Variants in SDK1 observed in about 807,000 individuals in gnomAD.
SDK1 encodes the protein protein sidekick-1.
A neutral mutation model predicts 245.5 loss-of-function variants in SDK1; 157 were observed. The observed-to-expected ratio is 0.64, with a 90% CI of 0.56 to 0.73. The LOEUF is 0.73. SDK1 is among the 30% of genes least tolerant of loss of function. The pLI is 0.00. For missense variants in SDK1, 3,583 were observed against 3,002.3 expected (o/e 1.19, Z -4.52); for synonymous variants, 1,647 against 1,278.5 (o/e 1.29, Z -6.15).
intron 32 of SDK1, among the ~76,000 whole-genome samples, chr7:4,162,797 C>G (rs1443509633): frequency 6.6e-6 from 1 of 152,186 alleles, no homozygotes; most frequent in East Asian, 1.9e-4. Flanking sequence ...CAGCAATGCT[C>G]CAGTAAGGCA....
intron 16 of SDK1, among the ~76,000 whole-genome samples, chr7:4,016,250 CA>C (rs1786393264): frequency 6.6e-6 from 1 of 152,254 alleles, no homozygotes; most frequent in Non-Finnish European, 1.5e-5. Flanking sequence ...TGCTGCCACT[CA>C]AGTGTGGGAC....
At chr7:4,138,470 G>A (rs1218892277) in intron 28 of SDK1, among the ~76,000 whole-genome samples, 1 of 152,160 alleles carries the variant, frequency 6.6e-6, no homozygotes, top group Non-Finnish European at 1.5e-5. Flanking sequence ...CAAAGGCCAG[G>A]CATGGTGGCT....
At chr7:3,358,998 A>G (rs1347595977) in intron 1 of SDK1, among the ~76,000 whole-genome samples, 1 of 152,140 alleles carries the variant, frequency 6.6e-6, no homozygotes, top group Non-Finnish European at 1.5e-5. Flanking sequence ...CTGTTTTTCT[A>G]AGAACTCCGG....
intron 35 of SDK1, among the ~76,000 whole-genome samples, chr7:4,196,963 G>A (rs76636011): frequency 0.083 from 12,587 of 152,298 alleles, 566 homozygotes; most frequent in African/African-American, 0.1. Context: ...GAATGAGACC[G>A]TCTAGGCTTG....
At chr7:3,890,497 T>C (rs1277154146) in intron 5 of SDK1, among the ~76,000 whole-genome samples, 1 of 152,134 alleles carries the variant, frequency 6.6e-6, no homozygotes, top group Non-Finnish European at 1.5e-5. Flanking sequence ...GTCAGAAAAA[T>C]TAAAGTTGCA....
At chr7:3,637,630 G>C (rs1408002678) in intron 2 of SDK1, among the ~76,000 whole-genome samples, 1 of 152,154 alleles carries the variant, frequency 6.6e-6, no homozygotes, top group Non-Finnish European at 1.5e-5. Context: ...CTAAGGCAAG[G>C]CTTTTATAGA....
intron 1 of SDK1, among the ~76,000 whole-genome samples, chr7:3,314,806 T>C (rs1451786515): frequency 2.0e-5 from 3 of 152,236 alleles, no homozygotes; most frequent in Admixed American, 6.5e-5. Flanking sequence ...TAAGAGGTTT[T>C]ATTTTAAACC....
intron 4 of SDK1, among the ~76,000 whole-genome samples, chr7:3,645,794 A>G (rs1782815999): frequency 6.6e-6 from 1 of 152,186 alleles, no homozygotes; most frequent in Non-Finnish European, 1.5e-5. Flanking sequence ...TTTAAAAACT[A>G]GAGCATTTGA....
At chr7:3,754,689 G>T (rs1169781089) in intron 4 of SDK1, among the ~76,000 whole-genome samples, 1 of 152,010 alleles carries the variant, frequency 6.6e-6, no homozygotes, top group Non-Finnish European at 1.5e-5. Flanking sequence ...GAAGGGGGGT[G>T]GGGGGCGGAG....
intron 4 of SDK1, among the ~76,000 whole-genome samples, chr7:3,698,879 T>G (rs1227140168): frequency 1.3e-5 from 2 of 152,162 alleles, no homozygotes; most frequent in African/African-American, 4.8e-5. Context: ...GCCATCTCAT[T>G]AGAGTTTAAG....
intron 25 of SDK1, among the ~76,000 whole-genome samples, chr7:4,119,838 AG>A: frequency 6.7e-6 from 1 of 149,170 alleles, no homozygotes; most frequent in East Asian, 1.9e-4. Flanking sequence ...AAAAAAAGAG[AG>A]AAAGATAGAG....
At chr7:3,671,690 G>A (rs1481291759) in intron 4 of SDK1, among the ~76,000 whole-genome samples, 1 of 152,164 alleles carries the variant, frequency 6.6e-6, no homozygotes, top group Non-Finnish European at 1.5e-5. Context: ...CATTGTAGAT[G>A]TTGTCATTCA....
intron 5 of SDK1, among the ~76,000 whole-genome samples, chr7:3,885,877 G>A (rs929979066): frequency 1.3e-5 from 2 of 152,182 alleles, no homozygotes; most frequent in Non-Finnish European, 2.9e-5. Flanking sequence ...AGATGCCGGA[G>A]AAAAGTATGC....
chr7:4,225,446 G>A (rs539754967), intron 40 of SDK1, among the ~76,000 whole-genome samples: 17 of 152,280 alleles, frequency 1.1e-4, no homozygotes, highest in East Asian at 1.9e-4. Flanking sequence ...AGCCAGACAC[G>A]GGTGCCTGGG....
At chr7:4,170,994 G>A (rs1456579423) in intron 32 of SDK1, among the ~76,000 whole-genome samples, 2 of 152,174 alleles carry the variant, frequency 1.3e-5, no homozygotes, top group South Asian at 2.1e-4. Context: ...ATCCAGCCTC[G>A]ACTGTGCCTG....
intron 25 of SDK1, among the ~76,000 whole-genome samples, chr7:4,118,543 A>G (rs901419139): frequency 2.0e-5 from 3 of 152,216 alleles, no homozygotes; most frequent in Admixed American, 6.5e-5. Flanking sequence ...TTGAGCAGGG[A>G]GTCACCATAC....
intron 1 of SDK1, among the ~76,000 whole-genome samples, chr7:3,408,493 TTA>T (rs1779110075): frequency 1.3e-5 from 2 of 152,246 alleles, no homozygotes; most frequent in Non-Finnish European, 2.9e-5. Flanking sequence ...CTAAAGGAAG[TTA>T]TAAACAAAAT....
chr7:3,590,430 A>G (rs1238619363), intron 1 of SDK1, among the ~76,000 whole-genome samples: 1 of 151,706 alleles, frequency 6.6e-6, no homozygotes, highest in African/African-American at 2.4e-5. Context: ...TTAGTTTTAC[A>G]TCATGTAACA....
chr7:3,750,624 T>C (rs1329605436), intron 4 of SDK1, among the ~76,000 whole-genome samples: 2 of 152,090 alleles, frequency 1.3e-5, no homozygotes, highest in Non-Finnish European at 2.9e-5. Flanking sequence ...GGATGGAAAA[T>C]GAGCAAGAGG....
Sources: allele counts gnomAD v4.1 joint callset (sites outside exome capture counted in the v4.1 genomes callset), GRCh38; gene constraint gnomAD v4.1.1; transcripts MANE v1.5; gene names NCBI Gene and HGNC (gene_info 2026-07-23, HGNC 2026-07-21).